Variants in BMPR1B observed in about 807,000 individuals in gnomAD.
BMPR1B encodes bone morphogenetic protein receptor type-1B.
A neutral mutation model predicts 59.1 loss-of-function variants in BMPR1B; 12 were observed. That is an observed-to-expected ratio of 0.20 (90% confidence interval 0.13 to 0.33). The LOEUF (loss-of-function observed/expected upper bound fraction) is 0.33. Ranked by LOEUF, BMPR1B falls within the 10% of genes least tolerant of loss-of-function variation. The probability of loss-of-function intolerance (pLI) is 1.00; values close to 1 mark genes in which losing one functional copy is unlikely to be tolerated. For missense variants in BMPR1B, 550 were observed against 610.9 expected, an observed-to-expected ratio of 0.90 and a Z score of 1.05; for synonymous variants, 237 against 207.3, an observed-to-expected ratio of 1.14 and a Z score of -1.23.
In BMPR1B at chr4:94,787,385, C is replaced by T. The variant is rs547619863; in HGVS notation, c.-183+29317C>T. On this transcript the variant is annotated intron_variant, in intron 1 of 12. Transcript: ENST00000515059. ...GCTAAAGGAATTTAAGAAATGGCATCTCCGGTTCTCCCCTGAAGCAGGTTA... is the reference window on the plus strand; with the variant it reads ...GCTAAAGGAATTTAAGAAATGGCATTTCCGGTTCTCCCCTGAAGCAGGTTA... 9.2e-5 allele frequency among the ~76,000 whole-genome samples: 14 copies of T among 152,242 alleles called. No homozygotes were observed. In the South Asian group the frequency reaches 1.7e-3, roughly 18 times the overall value.
chr4:94,982,267 T>C (rs1012686220), intron 2 of BMPR1B, among the ~76,000 whole-genome samples: 1 of 152,098 alleles, frequency 6.6e-6, no homozygotes, highest in Non-Finnish European at 1.5e-5. Flanking sequence ...GAATTTACTT[T>C]AGAAAGAAAT....
At chr4:94,896,939 A>G (rs951819988) in intron 2 of BMPR1B, among the ~76,000 whole-genome samples, 3 of 152,054 alleles carry the variant, frequency 2.0e-5, no homozygotes, top group Non-Finnish European at 4.4e-5. Flanking sequence ...TGATTACTGT[A>G]TGTTTAGTAG....
At chr4:95,115,299 T>C (rs1731936561) in intron 5 of BMPR1B, among the ~76,000 whole-genome samples, 2 of 152,334 alleles carry the variant, frequency 1.3e-5, no homozygotes, top group East Asian at 1.9e-4. Context: ...AAATTTTCCA[T>C]TGGACCAATT....
intron 2 of BMPR1B, among the ~76,000 whole-genome samples, chr4:94,937,731 C>T (rs1222928440): frequency 6.6e-6 from 1 of 151,762 alleles, no homozygotes; most frequent in Non-Finnish European, 1.5e-5. Context: ...CACACACACA[C>T]ACACACAGAC....
intron 1 of BMPR1B, among the ~76,000 whole-genome samples, chr4:94,772,877 C>T (rs1722234131): frequency 6.6e-6 from 1 of 151,964 alleles, no homozygotes; most frequent in Non-Finnish European, 1.5e-5. Context: ...TTAATTTTAC[C>T]TGCCATTTAA....
intron 1 of BMPR1B, among the ~76,000 whole-genome samples, chr4:94,796,384 T>TA (rs1400473376): frequency 6.6e-6 from 1 of 152,228 alleles, no homozygotes; most frequent in Non-Finnish European, 1.5e-5. Flanking sequence ...GTAGACTTTG[T>TA]AAAATCACAG....
At chr4:94,777,949 C>G (rs1048266475) in intron 1 of BMPR1B, among the ~76,000 whole-genome samples, 1 of 151,816 alleles carries the variant, frequency 6.6e-6, no homozygotes, top group Non-Finnish European at 1.5e-5. Context: ...TCACTTGAAC[C>G]TGGGAGGCGG....
intron 2 of BMPR1B, among the ~76,000 whole-genome samples, chr4:94,884,659 T>C (rs1727103631): frequency 6.6e-6 from 1 of 152,340 alleles, no homozygotes; most frequent in South Asian, 2.1e-4. Context: ...TTTTCAGACA[T>C]GAATAAGATG....
chr4:94,818,648 C>T (rs758223512), intron 1 of BMPR1B, among the ~76,000 whole-genome samples: 14 of 152,138 alleles, frequency 9.2e-5, no homozygotes, highest in Non-Finnish European at 1.8e-4. Context: ...GAATTGTAGT[C>T]AAGATTTAGT....
chr4:95,034,797 G>GA (rs1206451722), intron 3 of BMPR1B, among the ~76,000 whole-genome samples: 1 of 151,904 alleles, frequency 6.6e-6, no homozygotes, highest in Non-Finnish European at 1.5e-5. Flanking sequence ...AGATACACAG[G>GA]AGCGGTATTG....
intron 11 of BMPR1B, among the ~76,000 whole-genome samples, chr4:95,152,256 A>G (rs981432534): frequency 1.1e-4 from 17 of 152,178 alleles, no homozygotes; most frequent in African/African-American, 4.1e-4. Context: ...GTTTCATACT[A>G]TAGTAATAGA....
chr4:94,851,930 G>T (rs1725582373), intron 1 of BMPR1B, among the ~76,000 whole-genome samples: 1 of 152,244 alleles, frequency 6.6e-6, no homozygotes, highest in East Asian at 1.9e-4. Flanking sequence ...TACACTCAGT[G>T]CCTGGCATAA....
chr4:95,096,760 T>C (rs1730417092), intron 3 of BMPR1B, among the ~76,000 whole-genome samples: 1 of 138,112 alleles, frequency 7.2e-6, no homozygotes, highest in African/African-American at 2.7e-5. Flanking sequence ...TATAGTTATA[T>C]ATAACTATGT....
intron 2 of BMPR1B, among the ~76,000 whole-genome samples, chr4:94,993,760 C>CAAAAAAA (rs34395946): frequency 8.7e-5 from 6 of 68,588 alleles, no homozygotes; most frequent in Non-Finnish European, 1.1e-4. Context: ...GACTCCATCT[C>CAAAAAAA]AAAAAAAAAA....
intron 3 of BMPR1B, among the ~76,000 whole-genome samples, chr4:95,063,168 G>T (rs941832865): frequency 6.6e-6 from 1 of 152,052 alleles, no homozygotes; most frequent in African/African-American, 2.4e-5. Flanking sequence ...AAAGAAAGTG[G>T]CATTCTTATA....
intron 1 of BMPR1B, among the ~76,000 whole-genome samples, chr4:94,776,097 GAA>G (rs200886486): frequency 5.3e-4 from 73 of 139,018 alleles, no homozygotes; most frequent in Non-Finnish European, 9.9e-4. Flanking sequence ...CTCAAAAAAA[GAA>G]AAAAAAAAAA....
chr4:94,807,949 A>G (rs1723673720), intron 1 of BMPR1B, among the ~76,000 whole-genome samples: 1 of 152,188 alleles, frequency 6.6e-6, no homozygotes, highest in Non-Finnish European at 1.5e-5. Context: ...GGACCTCACA[A>G]AGTTCTGGGA....
intron 4 of BMPR1B, 114 bp downstream of exon 4, chr4:95,104,681 T>C: frequency 3.1e-6 from 4 of 1,291,876 alleles, no homozygotes; most frequent in Non-Finnish European, 3.3e-6. Context: ...TGCCTAACAC[T>C]ATCGTAAACT....
intron 1 of BMPR1B, among the ~76,000 whole-genome samples, chr4:94,840,809 A>G (rs986452122): frequency 2.0e-5 from 3 of 148,654 alleles, no homozygotes; most frequent in Non-Finnish European, 4.5e-5. Flanking sequence ...CTGGTGAGGA[A>G]CTGCGTTCCT....
Sources: gnomAD v4.1 joint callset for allele counts (sites outside exome capture counted in the v4.1 genomes callset) on GRCh38, gnomAD v4.1.1 for gene constraint, MANE v1.5 for transcripts, NCBI Gene and HGNC (gene_info 2026-07-23, HGNC 2026-07-21) for gene names.